The following EMP2 variants were observed in gnomAD, a reference collection of about 807,000 sequenced individuals.
The protein encoded by EMP2 is epithelial membrane protein 2.
Under a neutral mutation model 13.7 loss-of-function variants are expected in EMP2, and 19 were observed. That is an observed-to-expected ratio of 1.38 (90% CI 0.97 to 2.03). The LOEUF (loss-of-function observed/expected upper bound fraction) is 2.03, where lower values mean the gene tolerates loss of function less well. EMP2 is among the 30% of genes most tolerant of loss of function. The pLI, the probability that EMP2 is intolerant of heterozygous loss-of-function variation, is 0.00. For missense variants in EMP2, 253 were observed against 220.7 expected, an observed-to-expected ratio of 1.15 and a Z score of -0.93; for synonymous variants, 97 against 84.7, an observed-to-expected ratio of 1.15 and a Z score of -0.80.
chr16:10,576,799 G>GTC (rs1034973081), intron 1 of EMP2: 1 of 152,198 alleles, frequency 6.6e-6, no homozygotes, highest in Admixed American at 6.5e-5. Flanking sequence ...AACCAACAGT[G>GTC]TCTCTGCACG....
intron 1 of EMP2, among the ~76,000 whole-genome samples, chr16:10,568,641 C>T (rs1463686610): frequency 7.9e-5 from 12 of 152,200 alleles, no homozygotes; most frequent in Admixed American, 7.2e-4. Flanking sequence ...GCAAGTGGCA[C>T]CTGCTCACTG....
chr16:10,559,224 C>T (rs567567417), intron 1 of EMP2: 58 of 152,510 alleles, frequency 3.8e-4, no homozygotes, highest in Non-Finnish European at 7.6e-4. Context: ...CAGAGCACTC[C>T]GAGGGGACGG....
chr16:10,571,255 CAAAAAAAAA>C (rs58665715), intron 1 of EMP2, among the ~76,000 whole-genome samples: 3 of 33,432 alleles, frequency 9.0e-5, no homozygotes, highest in South Asian at 1.3e-3. Flanking sequence ...GACTCCGTCT[CAAAAAAAAA>C]AAAAAAAAAA....
chr16:10,557,050 G>C (rs2050833965), intron 1 of EMP2, among the ~76,000 whole-genome samples: 1 of 152,064 alleles, frequency 6.6e-6, no homozygotes, highest in African/African-American at 2.4e-5. Flanking sequence ...AATTAAGAGA[G>C]GGCCTAAAAA....
At chr16:10,561,345 C>T (rs1221912758) in intron 1 of EMP2, among the ~76,000 whole-genome samples, 2 of 152,118 alleles carry the variant, frequency 1.3e-5, no homozygotes, top group Admixed American at 6.6e-5. Flanking sequence ...AGAAAACGGG[C>T]TAGAACCAGG....
intron 4 of EMP2, among the ~76,000 whole-genome samples, chr16:10,537,641 G>A (rs2050658334): frequency 1.3e-5 from 2 of 152,066 alleles, no homozygotes; most frequent in South Asian, 2.1e-4. Context: ...TGTCGACAGC[G>A]ACTCCTACTC....
In EMP2 at chr16:10,537,977, C is replaced by A; in HGVS notation, c.267G>T (p.Leu89=). ...FFIFVLQLFR[L]KQGERFVLTS... ...TTAGGACAAACCTCTCTCCCTGCTT[C>A]AGGCGGAAGAGCTGGAGCACGAAGA... The change falls in exon 4 of 5, where the codon CTG becomes CTT. Residue 89 remains leucine (L), a synonymous_variant. Transcript: ENST00000359543. 1 of 1,614,140 alleles carries A rather than the reference C, an allele frequency of 6.2e-7. No homozygotes were observed. Among genetic ancestry groups the A allele is most frequent in the Non-Finnish European group, 8.5e-7 (1 of 1,180,026 alleles).
At chr16:10,556,614 G>T (rs978405812) in intron 1 of EMP2, among the ~76,000 whole-genome samples, 6 of 152,206 alleles carry the variant, frequency 3.9e-5, no homozygotes, top group African/African-American at 9.7e-5. Flanking sequence ...GCCCACAGGG[G>T]TCATGCCACA....
intron 1 of EMP2, among the ~76,000 whole-genome samples, chr16:10,574,497 A>T (rs2050969079): frequency 6.6e-6 from 1 of 151,268 alleles, no homozygotes; most frequent in South Asian, 2.1e-4. Context: ...AAGACAAACC[A>T]TGCACCCACT....
In EMP2 at chr16:10,556,966, C is replaced by G. The variant is rs1319573324; in HGVS notation, c.-60-9289G>C. On this transcript the variant is annotated intron_variant, in intron 1 of 4. Transcript: ENST00000359543. ...TCTTTGTGTCCACTGAGCTTTGTAC[C>G]AGGCAGGGGGAATCTGTGAAGGCAA... Among the ~76,000 whole-genome samples the G allele has an allele frequency of 7.9e-5, 12 of 152,262 alleles. No homozygotes were observed. The East Asian group carries it at 2.3e-3, about 29-fold the overall frequency.
rs114622880 is a variant in EMP2, at chr16:10,548,870, C to T, written c.-60-1193G>A. On this transcript the variant is annotated intron_variant, in intron 1 of 4. Coordinates refer to ENST00000359543, the MANE Select transcript of EMP2 (RefSeq NM_001424.6). ...TGATCACACAGGAAGACTATATTTC[C>T]TGGACTCCCTTGCAGCTAGATGGGG... Among the ~76,000 whole-genome samples, 730 of 152,292 alleles carry T rather than the reference C, an allele frequency of 4.8e-3. 10 individuals are homozygous for T. Among genetic ancestry groups the T allele is most frequent in the African/African-American group, 0.017 (686 of 41,562 alleles).
chr16:10,559,934 C>T (rs1433786378), intron 1 of EMP2, among the ~76,000 whole-genome samples: 1 of 152,192 alleles, frequency 6.6e-6, no homozygotes, highest in African/African-American at 2.4e-5. Context: ...CTCAGCCTCC[C>T]AAAGTCCTGG....
intron 1 of EMP2, among the ~76,000 whole-genome samples, chr16:10,567,481 G>A (rs184106834): frequency 6.6e-6 from 1 of 152,330 alleles, no homozygotes; most frequent in East Asian, 1.9e-4. Flanking sequence ...CAATGAGGAT[G>A]CTTGGGGCAG....
At chr16:10,578,418 G>A (rs770101652) in intron 1 of EMP2, among the ~76,000 whole-genome samples, 1 of 152,220 alleles carries the variant, frequency 6.6e-6, no homozygotes, top group Non-Finnish European at 1.5e-5. Flanking sequence ...TGGGGTGAGG[G>A]TGGAGAAGCG....
chr16:10,538,878 C>T (rs930269391), intron 3 of EMP2, among the ~76,000 whole-genome samples: 5 of 152,118 alleles, frequency 3.3e-5, no homozygotes, highest in African/African-American at 1.2e-4. Context: ...TGTAGTGGCA[C>T]AACCGTAGCT....
Position 10,548,514 on chromosome 16 carries a change from A to C in EMP2, c.-60-837T>G, listed in dbSNP as rs567461209. On this transcript the variant is annotated intron_variant, in intron 1 of 4. Coordinates refer to ENST00000359543, the MANE Select transcript of EMP2 (RefSeq NM_001424.6). ...TTGAGACCAGCTTGGGCAACAGAGC[A>C]AAACTCCATCTCTACAAAACATTTG... is the stretch of plus-strand genomic sequence containing the variant. 2.0e-5 allele frequency among the ~76,000 whole-genome samples: 3 copies of C among 152,250 alleles called. No homozygotes were observed. In the East Asian group the frequency reaches 5.8e-4, roughly 29 times the overall value.
chr16:10,565,702 G>C (rs1366588180), intron 1 of EMP2, among the ~76,000 whole-genome samples: 1 of 152,152 alleles, frequency 6.6e-6, no homozygotes, highest in African/African-American at 2.4e-5. Context: ...GAGGTGGGGA[G>C]GGATCCAACA....
At chr16:10,550,755 A>T (rs2050781096) in intron 1 of EMP2, among the ~76,000 whole-genome samples, 1 of 152,142 alleles carries the variant, frequency 6.6e-6, no homozygotes, top group Non-Finnish European at 1.5e-5. Flanking sequence ...TGGGTGGATC[A>T]CCTGAGGTCT....
intron 1 of EMP2, among the ~76,000 whole-genome samples, chr16:10,554,644 G>A (rs911389086): frequency 3.9e-5 from 6 of 152,052 alleles, no homozygotes; most frequent in South Asian, 2.1e-4. Context: ...TTTTCCCTTC[G>A]AAAAATGTAA....
Sources: allele counts gnomAD v4.1 joint callset (sites outside exome capture counted in the v4.1 genomes callset), GRCh38; gene constraint gnomAD v4.1.1; transcripts MANE v1.5; gene names NCBI Gene and HGNC (gene_info 2026-07-23, HGNC 2026-07-21).